The following CAMSAP1 variants were observed in gnomAD, a reference collection of about 807,000 sequenced individuals.
The protein encoded by CAMSAP1 is calmodulin regulated spectrin associated protein 1, also known as calmodulin-regulated spectrin-associated protein 1.
Under a neutral mutation model 143.5 loss-of-function variants are expected in CAMSAP1, and 58 were observed. That is an observed-to-expected ratio of 0.40 (90% CI 0.33 to 0.50). CAMSAP1 has a LOEUF of 0.50. CAMSAP1 is among the 20% of genes least tolerant of loss of function. The pLI, the probability that CAMSAP1 is intolerant of heterozygous loss-of-function variation, is 0.45. For synonymous variants in CAMSAP1, 945 were observed against 859.3 expected, an observed-to-expected ratio of 1.10 and a Z score of -1.74; for missense variants, 1,969 against 2,115.7, an observed-to-expected ratio of 0.93 and a Z score of 1.36.
chr9:135,892,244 C>T (rs74841375), intron 1 of CAMSAP1, among the ~76,000 whole-genome samples: 3,024 of 152,124 alleles, frequency 0.02, 106 homozygotes, highest in African/African-American at 0.068. Flanking sequence ...CCAAAGGTGA[C>T]GAAACAGGCC....
chr9:135,880,672 A>T (rs535536459), intron 3 of CAMSAP1, among the ~76,000 whole-genome samples: 11 of 152,282 alleles, frequency 7.2e-5, no homozygotes, highest in Non-Finnish European at 1.2e-4. Context: ...TGCATGTGCA[A>T]GCTAACTATC....
chr9:135,849,179 T>C (rs1361157244), intron 7 of CAMSAP1, among the ~76,000 whole-genome samples: 1 of 152,254 alleles, frequency 6.6e-6, no homozygotes, highest in Non-Finnish European at 1.5e-5. Flanking sequence ...GCGCCTTCAG[T>C]GTGCTCAGAA....
At chr9:135,816,613 A>G (rs1835238118) in intron 14 of CAMSAP1, among the ~76,000 whole-genome samples, 1 of 152,220 alleles carries the variant, frequency 6.6e-6, no homozygotes, top group South Asian at 2.1e-4. Flanking sequence ...GTAACTGACC[A>G]CCAGAACAAA....
intron 7 of CAMSAP1, chr9:135,836,930 T>C: frequency 1.0e-6 from 1 of 981,986 alleles, no homozygotes; most frequent in Non-Finnish European, 1.2e-6. Flanking sequence ...ACACACTTTC[T>C]ACCCGTTCTA....
intron 7 of CAMSAP1, among the ~76,000 whole-genome samples, chr9:135,840,654 T>C (rs1836308611): frequency 6.6e-6 from 1 of 152,146 alleles, no homozygotes; most frequent in African/African-American, 2.4e-5. Flanking sequence ...TTTCTACATT[T>C]CCTACTGAGG....
Position 135,818,888 on chromosome 9 carries a change from A to G in CAMSAP1, c.3959+122T>C. 1 of 1,426,968 alleles carries G rather than the reference A, an allele frequency of 7.0e-7. No homozygotes were observed. The allele number at this position is 1,426,968 out of a possible 1,614,324, so 88.4% of individuals were successfully genotyped here. On this transcript the variant is annotated intron_variant, in intron 12 of 16. Coordinates refer to ENST00000389532, the MANE Select transcript of CAMSAP1 (RefSeq NM_015447.4). This position sits in a 1 kb window ranked among gnomAD's most constrained non-coding sequence, Gnocchi z 7.7. Reference sequence around the variant, plus strand: ...GTTCGGGGAGGTGGTCCATGGGAGGAGTAAGACCGTCACAGGCACTCATTG... The same window carrying G: ...GTTCGGGGAGGTGGTCCATGGGAGGGGTAAGACCGTCACAGGCACTCATTG...
At chr9:135,897,892 G>A (rs928219734) in intron 1 of CAMSAP1, among the ~76,000 whole-genome samples, 7 of 152,076 alleles carry the variant, frequency 4.6e-5, no homozygotes, top group East Asian at 1.9e-4. Context: ...ACTATATTTC[G>A]TTATAGCAGC....
intron 3 of CAMSAP1, among the ~76,000 whole-genome samples, chr9:135,880,984 T>G (rs1469994408): frequency 6.6e-6 from 1 of 152,060 alleles, no homozygotes. Flanking sequence ...ATAATCAAAA[T>G]GCTTCTGAAG....
At chr9:135,887,754 G>A (rs556495475) in intron 1 of CAMSAP1, among the ~76,000 whole-genome samples, 4 of 152,266 alleles carry the variant, frequency 2.6e-5, no homozygotes, top group East Asian at 1.9e-4. Context: ...GGAGAAGTGC[G>A]GCTACAGGGG....
intron 3 of CAMSAP1, among the ~76,000 whole-genome samples, chr9:135,868,187 AAAG>A (rs1425935073): frequency 2.0e-5 from 3 of 152,196 alleles, no homozygotes; most frequent in African/African-American, 4.8e-5. Context: ...AAAAATGCTA[AAAG>A]AAGTTTTTTA....
chr9:135,847,123 G>C (rs1220698252), intron 7 of CAMSAP1, among the ~76,000 whole-genome samples: 1 of 151,964 alleles, frequency 6.6e-6, no homozygotes, highest in Non-Finnish European at 1.5e-5. Context: ...TGAGGCGGGT[G>C]GATCATGAGG....
rs1014548112 is a variant in CAMSAP1 at position 135,818,287 on chromosome 9, A to G, written c.4168+121T>C. On this transcript the variant is annotated intron_variant, in intron 13 of 16. Coordinates refer to ENST00000389532, the MANE Select transcript of CAMSAP1 (RefSeq NM_015447.4). The surrounding 1 kb of genome is among the most constrained non-coding windows in gnomAD (Gnocchi z 7.7). ...ACATTGTCATCCATGAAACGGGGATAATCATCTCCACCCTTCCCGCCTCAC... is the reference window on the plus strand; with the variant it reads ...ACATTGTCATCCATGAAACGGGGATGATCATCTCCACCCTTCCCGCCTCAC... The G allele has an allele frequency of 8.5e-7, 1 of 1,171,868 alleles. No homozygotes were observed. The highest frequency in any genetic ancestry group is 2.3e-5 in the Admixed American group (1 of 42,852). The allele number at this position is 1,171,868 out of a possible 1,614,324, so 72.6% of individuals were successfully genotyped here.
In CAMSAP1 at chr9:135,818,380, T is replaced by A; in HGVS notation, c.4168+28A>T. 1 of 1,535,444 alleles carries A rather than the reference T, an allele frequency of 6.5e-7. No homozygotes were observed. Among genetic ancestry groups the A allele is most frequent in the Non-Finnish European group, 8.7e-7 (1 of 1,143,630 alleles). On this transcript the variant is annotated intron_variant, in intron 13 of 16. Transcript: ENST00000389532. The surrounding 1 kb of genome is among the most constrained non-coding windows in gnomAD (Gnocchi z 7.7). ...GGCCGCCGCCCGCGGAAGGAAGCGC[T>A]GCCCGCGTGAGGGCCGGGGCTGCTT... is the stretch of plus-strand genomic sequence containing the variant.
Position 135,820,739 on chromosome 9 carries a change from C to T in CAMSAP1, c.3822+100G>A, listed in dbSNP as rs759330565. 1.4e-4 allele frequency: 209 copies of T among 1,455,216 alleles called. No individual in the cohort carries two copies. The highest frequency in any genetic ancestry group is 1.7e-4 in the Non-Finnish European group (182 of 1,082,396). The allele number at this position is 1,455,216 out of a possible 1,614,324, so 90.1% of individuals were successfully genotyped here. On this transcript the variant is annotated intron_variant, in intron 11 of 16. Transcript: ENST00000389532. This position sits in a 1 kb window ranked among gnomAD's most constrained non-coding sequence, Gnocchi z 4.4. ...CACATCCCCTGGCCTCTTACAGGAG[C>T]GGCTGGCCAGCCTGGTGCAGATCTG...
chr9:135,825,217 G>A (rs1835632886), intron 8 of CAMSAP1, among the ~76,000 whole-genome samples: 1 of 152,066 alleles, frequency 6.6e-6, no homozygotes, highest in African/African-American at 2.4e-5. Context: ...ACAAGCAACA[G>A]TTTTCAAAAA....
Position 135,818,083 on chromosome 9 carries a change from C to T in CAMSAP1, c.4169-4G>A, listed in dbSNP as rs1835303734. On this transcript the variant is annotated splice_region_variant and splice_polypyrimidine_tract_variant and intron_variant, in intron 13 of 16. Transcript: ENST00000389532. This position sits in a 1 kb window ranked among gnomAD's most constrained non-coding sequence, Gnocchi z 7.7. ...TGAGTCCGGCTCAAGTTATCAGCTGCCAGAGACAGAAACAGACGACGGTTC... is the reference window on the plus strand; with the variant it reads ...TGAGTCCGGCTCAAGTTATCAGCTGTCAGAGACAGAAACAGACGACGGTTC... 1 of 1,613,370 alleles carries T rather than the reference C, an allele frequency of 6.2e-7. No homozygotes were observed. Among genetic ancestry groups the T allele is most frequent in the African/African-American group, 1.3e-5 (1 of 74,936 alleles).
At chr9:135,827,626 C>A (rs762948209) in intron 7 of CAMSAP1, 42 bp from the exon 8 acceptor site, 1 of 1,476,598 alleles carries the variant, frequency 6.8e-7, no homozygotes, top group East Asian at 2.4e-5. Flanking sequence ...ACAACACTAA[C>A]TGGAAGCACA....
rs1212493029 is a variant in CAMSAP1, at chr9:135,820,733, C to T, written c.3822+106G>A. 6 of 1,432,714 alleles carry T rather than the reference C, an allele frequency of 4.2e-6. No individual in the cohort carries two copies. Among genetic ancestry groups the T allele is most frequent in the Non-Finnish European group, 5.6e-6 (6 of 1,062,546 alleles). The allele number at this position is 1,432,714 out of a possible 1,614,324, so 88.8% of individuals were successfully genotyped here. On this transcript the variant is annotated intron_variant, in intron 11 of 16. Transcript: ENST00000389532. This position sits in a 1 kb window ranked among gnomAD's most constrained non-coding sequence, Gnocchi z 4.4. ...AACACACACATCCCCTGGCCTCTTA[C>T]AGGAGCGGCTGGCCAGCCTGGTGCA...
At chr9:135,833,838 T>C (rs1419186888) in intron 7 of CAMSAP1, among the ~76,000 whole-genome samples, 1 of 152,050 alleles carries the variant, frequency 6.6e-6, no homozygotes, top group Non-Finnish European at 1.5e-5. Flanking sequence ...ATGAAAAAGG[T>C]TCTGCAAAGC....
Sources: allele counts gnomAD v4.1 joint callset (sites outside exome capture counted in the v4.1 genomes callset), GRCh38; gene constraint gnomAD v4.1.1; non-coding constraint Gnocchi (gnomAD v3.1); transcripts MANE v1.5; gene names NCBI Gene and HGNC (gene_info 2026-07-23, HGNC 2026-07-21).